Variants in SBF2 observed in about 807,000 individuals in gnomAD.
SBF2 encodes the protein SET binding factor 2.
A neutral mutation model predicts 225.2 loss-of-function variants in SBF2; 112 were observed. That is an observed-to-expected ratio of 0.50 (90% CI 0.43 to 0.58). SBF2 has a LOEUF of 0.58. SBF2 is among the 20% of genes least tolerant of loss of function. The pLI is 0.00. For missense variants in SBF2, 1,996 were observed against 2,206.2 expected, an observed-to-expected ratio of 0.90 and a Z score of 1.91; for synonymous variants, 763 against 773.3, an observed-to-expected ratio of 0.99 and a Z score of 0.22.
chr11:10,081,174 C>CA (rs1408863119), intron 2 of SBF2, among the ~76,000 whole-genome samples: 1 of 151,696 alleles, frequency 6.6e-6, no homozygotes, highest in Non-Finnish European at 1.5e-5. Context: ...TATTAGGTCA[C>CA]AAAAAAAGTC....
At chr11:10,071,795 C>T (rs986559996) in intron 2 of SBF2, among the ~76,000 whole-genome samples, 2 of 152,064 alleles carry the variant, frequency 1.3e-5, no homozygotes, top group Admixed American at 6.6e-5. Context: ...TTATGGATTA[C>T]GTTTATTGAT....
chr11:9,946,269 C>T (rs1865556596), intron 16 of SBF2, among the ~76,000 whole-genome samples: 2 of 152,216 alleles, frequency 1.3e-5, no homozygotes, highest in East Asian at 1.9e-4. Flanking sequence ...AATGAAATCA[C>T]GTCCTTTGTA....
chr11:10,027,029 T>C (rs1222654433), intron 6 of SBF2, among the ~76,000 whole-genome samples: 3 of 152,210 alleles, frequency 2.0e-5, no homozygotes, highest in African/African-American at 7.2e-5. Context: ...ATGTACACAT[T>C]GCAGATAGGC....
Position 10,132,557 on chromosome 11 carries a change from C to T in SBF2, c.141+61345G>A, listed in dbSNP as rs542167676. 5.1e-3 allele frequency among the ~76,000 whole-genome samples: 756 copies of T among 147,696 alleles called. 51 individuals carry two copies. The highest frequency in any genetic ancestry group is 0.018 in the African/African-American group (716 of 39,888). The stretch of plus-strand genomic sequence containing the variant: ...TTAAGGCAGCGCGTCTGGAGTTGTT[C>T]GTTCCTCCCGGTGGGCTCGTGGTCT... On this transcript the variant is annotated intron_variant, in intron 2 of 39. Transcript: ENST00000256190.
At chr11:9,993,188 A>G in intron 10 of SBF2, 85 bp from the exon 11 acceptor site, 4 of 952,974 alleles carry the variant, frequency 4.2e-6, no homozygotes, top group Non-Finnish European at 5.0e-6. Flanking sequence ...AAGGGCATAT[A>G]TTCCAAGTCC....
chr11:9,816,698 A>G, intron 29 of SBF2, 142 bp downstream of exon 29: 1 of 571,632 alleles, frequency 1.7e-6, no homozygotes, highest in Non-Finnish European at 2.9e-6. Flanking sequence ...ACAAAAGGAG[A>G]GCTAAATTTT....
intron 1 of SBF2, among the ~76,000 whole-genome samples, chr11:10,286,037 A>G (rs1963747112): frequency 6.6e-6 from 1 of 152,184 alleles, no homozygotes; most frequent in South Asian, 2.1e-4. Context: ...CCTGTTGCCC[A>G]GGCTGGTCTC....
rs1459443963 is a variant in SBF2 at position 9,779,343 on chromosome 11, G to GTGTC, written c.*1071_*1074dup. 4 of 152,642 alleles carry GTGTC rather than the reference G, an allele frequency of 2.6e-5. No individual in the cohort carries two copies. The highest frequency in any genetic ancestry group is 6.5e-5 in the Admixed American group (1 of 15,288). 9.5% of individuals were successfully genotyped at this position (152,642 alleles called of 1,614,324 possible). A position where few individuals can be genotyped will look rare whatever the true frequency, so the allele number is the denominator to read the frequency against. On this transcript the variant is annotated 3_prime_UTR_variant, in exon 40 of 40. Coordinates refer to ENST00000256190, the MANE Select transcript of SBF2 (RefSeq NM_030962.4). ...ATCTAGCTACCTATGACGCCAGCTG[G>GTGTC]TGTCAGTGGTTGTAGCGAAGATGCT...
intron 16 of SBF2, chr11:9,961,744 C>G: frequency 2.1e-6 from 1 of 483,954 alleles, no homozygotes; most frequent in South Asian, 2.9e-5. Flanking sequence ...AATAATCTAG[C>G]ATTTTCAAAG....
chr11:9,901,787 G>A (rs1861738541), intron 16 of SBF2, among the ~76,000 whole-genome samples: 1 of 152,148 alleles, frequency 6.6e-6, no homozygotes, highest in East Asian at 1.9e-4. Flanking sequence ...TGGGAATACA[G>A]GCATGTGCTA....
chr11:9,817,992 C>T (rs1168008395), intron 28 of SBF2, among the ~76,000 whole-genome samples: 2 of 152,182 alleles, frequency 1.3e-5, no homozygotes, highest in Non-Finnish European at 2.9e-5. Context: ...GTTGCCTAGG[C>T]TGGTGTGCAA....
At chr11:9,957,594 G>C (rs1469836231) in intron 16 of SBF2, 1 of 151,962 alleles carries the variant, frequency 6.6e-6, no homozygotes, top group Non-Finnish European at 1.5e-5. Context: ...TGAATAGCTG[G>C]GACTACAGAC....
intron 16 of SBF2, among the ~76,000 whole-genome samples, chr11:9,906,082 A>G (rs1482359513): frequency 2.0e-5 from 3 of 152,140 alleles, no homozygotes. Context: ...TTTCTTCCTG[A>G]CTTATTCCTC....
At chr11:10,080,184 G>A (rs943089005) in intron 2 of SBF2, among the ~76,000 whole-genome samples, 9 of 146,140 alleles carry the variant, frequency 6.2e-5, no homozygotes, top group African/African-American at 2.3e-4. Context: ...GGAGGCAGAG[G>A]TTGCAGTGAG....
chr11:10,096,111 A>T (rs1952009211), intron 2 of SBF2, among the ~76,000 whole-genome samples: 1 of 152,142 alleles, frequency 6.6e-6, no homozygotes, highest in Admixed American at 6.5e-5. Flanking sequence ...CACTGACTCA[A>T]CACAAAGGAG....
chr11:10,020,809 G>T (rs1359848025), intron 6 of SBF2, among the ~76,000 whole-genome samples: 1 of 152,082 alleles, frequency 6.6e-6, no homozygotes, highest in African/African-American at 2.4e-5. Context: ...GAAACAACTT[G>T]CTGAATAGCA....
intron 16 of SBF2, among the ~76,000 whole-genome samples, chr11:9,936,664 G>A (rs1430297706): frequency 6.6e-6 from 1 of 152,152 alleles, no homozygotes; most frequent in East Asian, 1.9e-4. Flanking sequence ...GGATATGGAT[G>A]AGGCTGGAAA....
intron 2 of SBF2, among the ~76,000 whole-genome samples, chr11:10,138,177 T>A (rs1448846138): frequency 1.3e-5 from 2 of 152,196 alleles, no homozygotes; most frequent in African/African-American, 4.8e-5. Flanking sequence ...AACAGAATTA[T>A]TCAAATTATC....
chr11:10,197,398 A>G (rs1957416848), intron 1 of SBF2, among the ~76,000 whole-genome samples: 1 of 152,248 alleles, frequency 6.6e-6, no homozygotes, highest in Admixed American at 6.5e-5. Context: ...TTATGTTTAC[A>G]CTATACTGTA....
Sources: allele counts gnomAD v4.1 joint callset (sites outside exome capture counted in the v4.1 genomes callset), GRCh38; gene constraint gnomAD v4.1.1; transcripts MANE v1.5; gene names NCBI Gene and HGNC (gene_info 2026-07-23, HGNC 2026-07-21).